Variants in SPSB1 observed in about 807,000 individuals in gnomAD.
SPSB1 encodes the protein splA/ryanodine receptor domain and SOCS box containing 1.
A neutral mutation model predicts 21.2 loss-of-function variants in SPSB1; 8 were observed. The observed-to-expected ratio is 0.38, with a 90% CI of 0.22 to 0.68. The LOEUF is 0.68. Among genes scored for constraint, SPSB1 ranks in the 30% least tolerant of loss-of-function variants. The pLI is 0.53. For synonymous variants in SPSB1, 169 were observed against 161.7 expected (o/e 1.05, Z -0.34); for missense variants, 242 against 377.8 (o/e 0.64, Z 2.98).
chr1:9,344,186 A>G (rs895044148), intron 1 of SPSB1, among the ~76,000 whole-genome samples: 1 of 152,152 alleles, frequency 6.6e-6, no homozygotes, highest in African/African-American at 2.4e-5. Flanking sequence ...ATTCCTTGAA[A>G]CCAGTGGTTC....
At chr1:9,295,375 GC>G (rs1015478067) in intron 1 of SPSB1, among the ~76,000 whole-genome samples, 9 of 152,340 alleles carry the variant, frequency 5.9e-5, no homozygotes, top group Non-Finnish European at 1.3e-4. Flanking sequence ...GGCTCAGACA[GC>G]CCCGAGCAGG....
At chr1:9,308,320 CCAGGTCCTG>C in intron 1 of SPSB1, among the ~76,000 whole-genome samples, 1 of 152,238 alleles carries the variant, frequency 6.6e-6, no homozygotes, top group African/African-American at 2.4e-5. Flanking sequence ...TCATGGATAC[CCAGGTCCTG>C]CATACCCAGC....
In SPSB1 at chr1:9,317,925, C is replaced by T. The variant is rs950920510; in HGVS notation, c.-150+24854C>T. Among the ~76,000 whole-genome samples, 6 of 151,438 alleles carry T rather than the reference C, an allele frequency of 4.0e-5. No individual in the cohort carries two copies. In the Middle Eastern group the frequency reaches 0.01, roughly 259 times the overall value. The stretch of plus-strand genomic sequence containing the variant: ...CTTCCTTGGCACACCATTCGCTCCG[C>T]GAGTTTGTTAAGGGCCCCTGTGTGC... On this transcript the variant is annotated intron_variant, in intron 1 of 2. Transcript: ENST00000328089. The surrounding 1 kb of genome is among the most constrained non-coding windows in gnomAD (Gnocchi z 4.3).
chr1:9,300,483 A>T (rs373630088), intron 1 of SPSB1, among the ~76,000 whole-genome samples: 7 of 152,360 alleles, frequency 4.6e-5, no homozygotes, highest in African/African-American at 1.7e-4. Context: ...GCCCCTGTAG[A>T]TGAATCGCAG....
chr1:9,311,952 T>G (rs1639527802), intron 1 of SPSB1, among the ~76,000 whole-genome samples: 1 of 152,020 alleles, frequency 6.6e-6, no homozygotes, highest in African/African-American at 2.4e-5. Flanking sequence ...GGCTAAGTAT[T>G]GAGATACAGG....
chr1:9,295,225 TGTGTGTGTGTGTGTGTGC>T (rs1639200497), intron 1 of SPSB1, among the ~76,000 whole-genome samples: 1 of 150,188 alleles, frequency 6.7e-6, no homozygotes, highest in Non-Finnish European at 1.5e-5. Flanking sequence ...TGAGTGTGTG[TGTGTGTGTGTGTGTGTGC>T]GCGCGTGCGG....
chr1:9,344,043 C>T (rs1436695123), intron 1 of SPSB1, among the ~76,000 whole-genome samples: 2 of 152,180 alleles, frequency 1.3e-5, no homozygotes, highest in Non-Finnish European at 2.9e-5. Context: ...CCACCTCGGC[C>T]TCCCAAAGTG....
intron 1 of SPSB1, among the ~76,000 whole-genome samples, chr1:9,322,736 G>A (rs1322738484): frequency 6.6e-6 from 1 of 152,212 alleles, no homozygotes; most frequent in Non-Finnish European, 1.5e-5. Context: ...ACACAAGGTG[G>A]CAGGTGTCGG....
At chr1:9,304,400 C>T (rs1639380448) in intron 1 of SPSB1, among the ~76,000 whole-genome samples, 1 of 152,170 alleles carries the variant, frequency 6.6e-6, no homozygotes, top group African/African-American at 2.4e-5. Context: ...TCTGTCTCTC[C>T]CTCTCGATCC....
chr1:9,334,712 C>T (rs1410526853), intron 1 of SPSB1, among the ~76,000 whole-genome samples: 1 of 152,126 alleles, frequency 6.6e-6, no homozygotes, highest in African/African-American at 2.4e-5. Context: ...TTCCTGCTCC[C>T]CGGAGCTCCT....
rs1474657238 is a variant in SPSB1, at chr1:9,367,413, A to G, written c.695-35A>G. On this transcript the variant is annotated intron_variant, in intron 2 of 2. Transcript: ENST00000328089. The surrounding 1 kb of genome is among the most constrained non-coding windows in gnomAD (Gnocchi z 5.9). Reference sequence around the variant, plus strand: ...GCGCTGTTTGCTGAACACCCACCCAAGCTGCGCTGACCTGCAGTTTCTCTG... The same window carrying G: ...GCGCTGTTTGCTGAACACCCACCCAGGCTGCGCTGACCTGCAGTTTCTCTG... The G allele has an allele frequency of 5.6e-6, 9 of 1,612,564 alleles. No homozygotes were observed. The highest frequency in any genetic ancestry group is 5.5e-5 in the South Asian group (5 of 91,084).
At chr1:9,364,227 T>A (rs1640519914) in intron 2 of SPSB1, among the ~76,000 whole-genome samples, 1 of 152,222 alleles carries the variant, frequency 6.6e-6, no homozygotes, top group Non-Finnish European at 1.5e-5. Context: ...CCCAGACCCC[T>A]TGGCCCTGAT....
intron 2 of SPSB1, among the ~76,000 whole-genome samples, chr1:9,360,865 AG>A (rs1406857968): frequency 6.6e-6 from 1 of 152,254 alleles, no homozygotes; most frequent in Non-Finnish European, 1.5e-5. Flanking sequence ...TCAGATGTGG[AG>A]GCAGCCAGTG....
intron 1 of SPSB1, among the ~76,000 whole-genome samples, chr1:9,316,503 TA>T (rs1639616335): frequency 6.6e-6 from 1 of 152,154 alleles, no homozygotes; most frequent in Non-Finnish European, 1.5e-5. Context: ...GGCAGGGTCC[TA>T]GGGGGCTGCT....
intron 1 of SPSB1, among the ~76,000 whole-genome samples, chr1:9,350,128 C>T (rs1344593911): frequency 6.6e-6 from 1 of 152,138 alleles, no homozygotes; most frequent in Non-Finnish European, 1.5e-5. Context: ...CCCTACCACC[C>T]GCACAGGTAC....
Position 9,367,668 on chromosome 1 carries a change from G to T in SPSB1, c.*93G>T. The stretch of plus-strand genomic sequence containing the variant: ...GCCGCCGCACCCTGCACCTTGGACC[G>T]GCATCCGTAGCCATGGACAGAGGTC... On this transcript the variant is annotated 3_prime_UTR_variant, in exon 3 of 3. Transcript: ENST00000328089. The surrounding 1 kb of genome is among the most constrained non-coding windows in gnomAD (Gnocchi z 5.9). The T allele has an allele frequency of 6.8e-7, 1 of 1,471,880 alleles. No individual in the cohort carries two copies. Among genetic ancestry groups the T allele is most frequent in the East Asian group, 2.5e-5 (1 of 40,254 alleles). 91.2% of individuals were successfully genotyped at this position (1,471,880 alleles called of 1,614,324 possible).
At chr1:9,364,819 TTTG>T (rs201248098) in intron 2 of SPSB1, among the ~76,000 whole-genome samples, 2,902 of 146,568 alleles carry the variant, frequency 0.02, 82 homozygotes, top group African/African-American at 0.07. Context: ...TTGGGGTTTT[TTTG>T]TTGTTGTTTT....
At position 9,355,535 on chromosome 1, in the gene SPSB1, GGACA is replaced by G. The variant is rs1473534421; in HGVS notation, c.-149-200_-149-197del. On this transcript the variant is annotated intron_variant, in intron 1 of 2. Transcript: ENST00000328089. The stretch of plus-strand genomic sequence containing the variant: ...CACCTCTCCACACAGTCGGCCGCGT[GGACA>G]GACAGACCCTTTCCTTTGTGACAGC... Among the ~76,000 whole-genome samples, 5 of 152,366 alleles carry G rather than the reference GGACA, an allele frequency of 3.3e-5. No homozygotes were observed. The East Asian group carries it at 9.6e-4, about 29-fold the overall frequency.
At chr1:9,309,551 G>A (rs571947089) in intron 1 of SPSB1, among the ~76,000 whole-genome samples, 116 of 152,214 alleles carry the variant, frequency 7.6e-4, no homozygotes, top group Non-Finnish European at 1.3e-3. Flanking sequence ...CATTTAAAAC[G>A]TGGTAATCAG....
Sources: allele counts gnomAD v4.1 joint callset (sites outside exome capture counted in the v4.1 genomes callset), GRCh38; gene constraint gnomAD v4.1.1; non-coding constraint Gnocchi (gnomAD v3.1); transcripts MANE v1.5; gene names NCBI Gene and HGNC (gene_info 2026-07-23, HGNC 2026-07-21).